TBC1D22A: variants seen among roughly 807,000 people sequenced by gnomAD.
TBC1D22A encodes the protein TBC1 domain family member 22A, also known as putative GTPase activator.
TBC1D22A carries 38 observed loss-of-function variants against 60.2 expected under a neutral mutation model. That is an observed-to-expected ratio of 0.63 (90% CI 0.49 to 0.83). TBC1D22A has a LOEUF of 0.83. Ranked by LOEUF, TBC1D22A falls within the 40% of genes least tolerant of loss-of-function variation. The pLI is 0.00. For missense variants in TBC1D22A, 628 were observed against 701.0 expected, an observed-to-expected ratio of 0.90 and a Z score of 1.18; for synonymous variants, 302 against 281.7, an observed-to-expected ratio of 1.07 and a Z score of -0.72.
intron 4 of TBC1D22A, among the ~76,000 whole-genome samples, chr22:46,830,122 G>A (rs1195148552): frequency 6.6e-6 from 1 of 152,236 alleles, no homozygotes; most frequent in Non-Finnish European, 1.5e-5. Context: ...GGCTGGAAGG[G>A]TGTGGAGCTG....
At chr22:47,097,481 G>A (rs971993389) in intron 11 of TBC1D22A, among the ~76,000 whole-genome samples, 3 of 152,084 alleles carry the variant, frequency 2.0e-5, no homozygotes, top group African/African-American at 7.2e-5. Context: ...GGGCGTGGTG[G>A]TGGGCACCTG....
chr22:47,085,057 A>T (rs1341355964), intron 11 of TBC1D22A, among the ~76,000 whole-genome samples: 1 of 152,230 alleles, frequency 6.6e-6, no homozygotes, highest in Non-Finnish European at 1.5e-5. Context: ...AGGCAGGCGG[A>T]TCGCCTGAAG....
chr22:46,854,186 A>G (rs1331477380), intron 4 of TBC1D22A, among the ~76,000 whole-genome samples: 1 of 151,904 alleles, frequency 6.6e-6, no homozygotes, highest in Non-Finnish European at 1.5e-5. Context: ...CTGTCTTGGG[A>G]TTTTGCCCTG....
chr22:46,990,960 A>T lies in TBC1D22A; in HGVS notation c.1126-6674A>T, dbSNP rs540173242. On this transcript the variant is annotated intron_variant, in intron 9 of 12. Transcript: ENST00000337137. The surrounding 1 kb of genome is among the most constrained non-coding windows in gnomAD (Gnocchi z 4.6). Reference sequence around the variant, plus strand: ...CACGTTTCCAGTGGTTTACAGAGGCACTGGTTCCTCTGGCCTGGCTGGGTT... The same window carrying T: ...CACGTTTCCAGTGGTTTACAGAGGCTCTGGTTCCTCTGGCCTGGCTGGGTT... 6.6e-5 allele frequency among the ~76,000 whole-genome samples: 10 copies of T among 152,146 alleles called. No individual in the cohort carries two copies. The highest frequency in any genetic ancestry group is 6.5e-4 in the Admixed American group (10 of 15,280).
At chr22:47,089,636 G>C (rs1412769994) in intron 11 of TBC1D22A, among the ~76,000 whole-genome samples, 1 of 152,190 alleles carries the variant, frequency 6.6e-6, no homozygotes, top group African/African-American at 2.4e-5. Flanking sequence ...GAAGCTGGAG[G>C]TGACAAGGGG....
chr22:46,850,641 A>G (rs1390756509), intron 4 of TBC1D22A, among the ~76,000 whole-genome samples: 1 of 152,224 alleles, frequency 6.6e-6, no homozygotes, highest in African/African-American at 2.4e-5. Flanking sequence ...AGTTCAACAT[A>G]GAGCTGCCAT....
chr22:47,096,055 A>T (rs1028246855), intron 11 of TBC1D22A, among the ~76,000 whole-genome samples: 45 of 152,248 alleles, frequency 3.0e-4, no homozygotes, highest in African/African-American at 1.1e-3. Flanking sequence ...AATGTTAAAT[A>T]TACAGAAACA....
chr22:46,857,818 C>CT (rs1392190730), intron 4 of TBC1D22A, among the ~76,000 whole-genome samples: 1 of 152,182 alleles, frequency 6.6e-6, no homozygotes, highest in African/African-American at 2.4e-5. Flanking sequence ...CTGCTTCATT[C>CT]TTTTTTGGCC....
intron 1 of TBC1D22A, among the ~76,000 whole-genome samples, chr22:46,784,765 CAG>C (rs755472739): frequency 2.6e-5 from 4 of 152,186 alleles, no homozygotes; most frequent in Admixed American, 2.0e-4. Context: ...CGTTCATATA[CAG>C]AGAGATTGAT....
intron 1 of TBC1D22A, among the ~76,000 whole-genome samples, chr22:46,766,825 C>T (rs754079151): frequency 6.6e-6 from 1 of 152,084 alleles, no homozygotes; most frequent in Non-Finnish European, 1.5e-5. Context: ...CATGAGCCAC[C>T]GTGCCCGGCC....
chr22:47,065,647 G>C, intron 11 of TBC1D22A, among the ~76,000 whole-genome samples: 1 of 152,282 alleles, frequency 6.6e-6, no homozygotes, highest in Non-Finnish European at 1.5e-5. Context: ...TTGGGACTGG[G>C]TTGGATTGAG....
intron 11 of TBC1D22A, among the ~76,000 whole-genome samples, chr22:47,103,242 TCA>T: frequency 6.6e-6 from 1 of 152,066 alleles, no homozygotes; most frequent in South Asian, 2.1e-4. Context: ...GAAGAAGGGG[TCA>T]CAGAGGGAAA....
chr22:46,831,215 G>A (rs563200716), intron 4 of TBC1D22A, among the ~76,000 whole-genome samples: 78 of 152,284 alleles, frequency 5.1e-4, no homozygotes, highest in African/African-American at 1.8e-3. Context: ...TTCCATAGGA[G>A]GGAGGATGCT....
chr22:47,078,009 A>G (rs1354667383), intron 11 of TBC1D22A, among the ~76,000 whole-genome samples: 2 of 152,152 alleles, frequency 1.3e-5, no homozygotes, highest in East Asian at 1.9e-4. Context: ...GCCCAGCAGC[A>G]TCTTGTATTT....
intron 4 of TBC1D22A, among the ~76,000 whole-genome samples, chr22:46,803,558 A>C (rs2084995343): frequency 6.6e-6 from 1 of 152,154 alleles, no homozygotes; most frequent in African/African-American, 2.4e-5. Flanking sequence ...CTGTCTTTGC[A>C]GCCTGGGCTT....
At chr22:46,781,051 C>T (rs752224638) in intron 1 of TBC1D22A, among the ~76,000 whole-genome samples, 29 of 152,162 alleles carry the variant, frequency 1.9e-4, no homozygotes, top group African/African-American at 6.3e-4. Context: ...TTTCCCCCTG[C>T]CCCGACCCCC....
rs1187468055 is a variant in TBC1D22A at position 46,912,061 on chromosome 22, C to A, written c.901-13C>A. On this transcript the variant is annotated splice_polypyrimidine_tract_variant and intron_variant, in intron 7 of 12. Coordinates refer to ENST00000337137, the MANE Select transcript of TBC1D22A (RefSeq NM_014346.5). The stretch of plus-strand genomic sequence containing the variant: ...TTACTTTTTGCTTTACCACCTGTTC[C>A]ATTTTCTTTCAGATTTTTGAAAGGA... The A allele has an allele frequency of 1.2e-6, 2 of 1,601,528 alleles. No homozygotes were observed. Among genetic ancestry groups the A allele is most frequent in the Non-Finnish European group, 1.7e-6 (2 of 1,171,804 alleles).
chr22:46,805,891 C>G (rs139266593), intron 4 of TBC1D22A, among the ~76,000 whole-genome samples: 1 of 147,396 alleles, frequency 6.8e-6, no homozygotes, highest in African/African-American at 2.5e-5. Flanking sequence ...CTTGCTCTTT[C>G]GCCCAGACTG....
At chr22:47,149,321 A>G (rs2067411289) in intron 12 of TBC1D22A, among the ~76,000 whole-genome samples, 1 of 152,234 alleles carries the variant, frequency 6.6e-6, no homozygotes, top group African/African-American at 2.4e-5. Context: ...TGCGGCCTCC[A>G]TTTATTTCCC....
Sources: gnomAD v4.1 joint callset for allele counts (sites outside exome capture counted in the v4.1 genomes callset) on GRCh38, gnomAD v4.1.1 for gene constraint, Gnocchi (gnomAD v3.1) non-coding constraint, MANE v1.5 for transcripts, NCBI Gene and HGNC (gene_info 2026-07-23, HGNC 2026-07-21) for gene names.